CDK6: variants seen among roughly 807,000 people sequenced by gnomAD.
The protein encoded by CDK6 is cyclin dependent kinase 6.
Under a neutral mutation model 37.1 loss-of-function variants are expected in CDK6, and 6 were observed. That is an observed-to-expected ratio of 0.16 (90% CI 0.09 to 0.32). CDK6 has a LOEUF of 0.32. Among genes scored for constraint, CDK6 ranks in the 10% least tolerant of loss-of-function variants. CDK6 has a pLI of 1.00. For synonymous variants in CDK6, 160 were observed against 161.3 expected, an observed-to-expected ratio of 0.99 and a Z score of 0.06; for missense variants, 224 against 418.9, an observed-to-expected ratio of 0.53 and a Z score of 4.06.
chr7:92,735,887 C>G (rs1171067500), intron 3 of CDK6, among the ~76,000 whole-genome samples: 2 of 152,110 alleles, frequency 1.3e-5, no homozygotes, highest in Non-Finnish European at 2.9e-5. Context: ...TAAGAATTTA[C>G]TGACTGCTTG....
intron 3 of CDK6, among the ~76,000 whole-genome samples, chr7:92,748,502 A>G (rs1182412294): frequency 1.3e-5 from 2 of 152,206 alleles, no homozygotes; most frequent in South Asian, 4.1e-4. Context: ...TCCATCCTTT[A>G]TATCATAGAA....
intron 3 of CDK6, among the ~76,000 whole-genome samples, chr7:92,745,234 C>T (rs957382711): frequency 3.3e-5 from 5 of 152,184 alleles, no homozygotes; most frequent in East Asian, 1.9e-4. Flanking sequence ...CTTGAACATA[C>T]ATTAAAAATT....
At chr7:92,812,566 G>A (rs1273028391) in intron 2 of CDK6, among the ~76,000 whole-genome samples, 2 of 151,892 alleles carry the variant, frequency 1.3e-5, no homozygotes, top group Non-Finnish European at 2.9e-5. Context: ...GACCAGAGGT[G>A]AGTGCCACTA....
At chr7:92,672,184 GACACATACACAC>G (rs1475852038) in intron 4 of CDK6, among the ~76,000 whole-genome samples, 25 of 44,136 alleles carry the variant, frequency 5.7e-4, no homozygotes, top group South Asian at 1.1e-3. Flanking sequence ...CACACACACA[GACACATACACAC>G]ACACACACAC....
chr7:92,774,594 TA>T, intron 3 of CDK6, 101 bp downstream of exon 3: 1 of 1,054,242 alleles, frequency 9.5e-7, no homozygotes, highest in Non-Finnish European at 1.3e-6. Context: ...TACCGAATTC[TA>T]AAAGTTGTAA....
chr7:92,680,686 G>A (rs1797316069), intron 4 of CDK6, among the ~76,000 whole-genome samples: 1 of 152,098 alleles, frequency 6.6e-6, no homozygotes, highest in South Asian at 2.1e-4. Flanking sequence ...ATCTACAGCT[G>A]CCTTGGCTCA....
intron 2 of CDK6, among the ~76,000 whole-genome samples, chr7:92,792,169 G>A (rs1347422753): frequency 2.6e-5 from 4 of 152,146 alleles, no homozygotes; most frequent in Non-Finnish European, 5.9e-5. Context: ...AGTAGCAGCA[G>A]AGAGAGACCA....
At position 92,672,190 on chromosome 7, in the gene CDK6, TACACACACACACACAC is replaced by T. The variant is rs71107866; in HGVS notation, c.538-671_538-656del. Among the ~76,000 whole-genome samples the T allele has an allele frequency of 1.0e-2, 625 of 62,772 alleles. 5 individuals are homozygous for T. Among genetic ancestry groups the T allele is most frequent in the Non-Finnish European group, 0.013 (536 of 40,420 alleles). 41.2% of individuals were successfully genotyped at this position (62,772 alleles called of 152,430 possible). Reference sequence around the variant, plus strand: ...ATACACACACACACACACAGACACATACACACACACACACACACACACACACACACACACACACACA... The same window carrying T: ...ATACACACACACACACACAGACACATACACACACACACACACACACACACA... On this transcript the variant is annotated intron_variant, in intron 4 of 7. Coordinates refer to ENST00000424848, the MANE Select transcript of CDK6 (RefSeq NM_001145306.2).
rs1795415829 is a variant in CDK6, at chr7:92,605,849, G to GT, written c.*9290_*9291insA. 1 of 233,326 alleles carries GT rather than the reference G, an allele frequency of 4.3e-6. No individual in the cohort carries two copies. Among genetic ancestry groups the GT allele is most frequent in the Admixed American group, 5.6e-5 (1 of 17,774 alleles). 14.5% of individuals were successfully genotyped at this position (233,326 alleles called of 1,614,324 possible). On this transcript the variant is annotated 3_prime_UTR_variant, in exon 8 of 8. Coordinates refer to ENST00000424848, the MANE Select transcript of CDK6 (RefSeq NM_001145306.2). ...AGAGCTGTGCTGCACCCACAGGGTG[G>GT]ACCCGACAGGCCACTGTGGTAACTC...
intron 5 of CDK6, among the ~76,000 whole-genome samples, chr7:92,666,313 A>AT (rs1214602061): frequency 1.3e-5 from 2 of 152,078 alleles, no homozygotes; most frequent in Non-Finnish European, 2.9e-5. Flanking sequence ...CAGGCAATGG[A>AT]TTTTTTCTCT....
intron 5 of CDK6, among the ~76,000 whole-genome samples, chr7:92,630,067 T>G (rs1177495384): frequency 6.6e-6 from 1 of 152,128 alleles, no homozygotes; most frequent in Non-Finnish European, 1.5e-5. Flanking sequence ...GGCTTCAATG[T>G]AAGAATTTTG....
chr7:92,622,095 C>A (rs1420963717), intron 6 of CDK6, among the ~76,000 whole-genome samples: 1 of 150,800 alleles, frequency 6.6e-6, no homozygotes, highest in Non-Finnish European at 1.5e-5. Flanking sequence ...AAGATCAGGG[C>A]TATTTTTGGT....
At chr7:92,735,968 C>T (rs1005902419) in intron 3 of CDK6, among the ~76,000 whole-genome samples, 3 of 152,044 alleles carry the variant, frequency 2.0e-5, no homozygotes, top group Non-Finnish European at 4.4e-5. Flanking sequence ...GTCACTTAGA[C>T]ATGAGATGTA....
At chr7:92,680,198 TGAG>T (rs768556284) in intron 4 of CDK6, among the ~76,000 whole-genome samples, 2 of 150,282 alleles carry the variant, frequency 1.3e-5, no homozygotes, top group East Asian at 2.0e-4. Flanking sequence ...TTTGGGAGGC[TGAG>T]GAGGGCGGAT....
At chr7:92,780,091 G>A (rs1000233678) in intron 2 of CDK6, among the ~76,000 whole-genome samples, 3 of 152,164 alleles carry the variant, frequency 2.0e-5, no homozygotes, top group African/African-American at 7.2e-5. Context: ...TCCTGCCTCA[G>A]CCTCCCGAGT....
At chr7:92,671,027 A>G (rs1797060861) in intron 5 of CDK6, among the ~76,000 whole-genome samples, 1 of 152,054 alleles carries the variant, frequency 6.6e-6, no homozygotes, top group Non-Finnish European at 1.5e-5. Flanking sequence ...TATTCTCACT[A>G]TCAAAATTCC....
intron 3 of CDK6, among the ~76,000 whole-genome samples, chr7:92,728,552 G>A (rs1186606891): frequency 1.3e-5 from 2 of 152,076 alleles, no homozygotes; most frequent in Non-Finnish European, 2.9e-5. Context: ...TTTTAGTTGT[G>A]TTACTTTGGC....
At chr7:92,720,492 G>C (rs761123356) in intron 4 of CDK6, among the ~76,000 whole-genome samples, 1 of 152,168 alleles carries the variant, frequency 6.6e-6, no homozygotes, top group Non-Finnish European at 1.5e-5. Flanking sequence ...AGAGTTCCAA[G>C]AGCACCAAAT....
At chr7:92,692,157 T>G (rs939558949) in intron 4 of CDK6, among the ~76,000 whole-genome samples, 10 of 152,140 alleles carry the variant, frequency 6.6e-5, no homozygotes, top group African/African-American at 2.2e-4. Flanking sequence ...TCCCAGTTAT[T>G]TGGGAGGCTG....
Sources: allele counts gnomAD v4.1 joint callset (sites outside exome capture counted in the v4.1 genomes callset), GRCh38; gene constraint gnomAD v4.1.1; transcripts MANE v1.5; gene names NCBI Gene and HGNC (gene_info 2026-07-23, HGNC 2026-07-21).